The following SLC35F1 variants were observed in gnomAD, a reference collection of about 807,000 sequenced individuals.
SLC35F1 encodes solute carrier family 35 member F1.
Under a neutral mutation model 48.7 loss-of-function variants are expected in SLC35F1, and 14 were observed. The ratio of observed to expected loss-of-function variants is 0.29; its 90% CI spans 0.19 to 0.45. SLC35F1 has a LOEUF of 0.45. SLC35F1 is among the 20% of genes least tolerant of loss of function. The probability of loss-of-function intolerance (pLI) is 1.00; values close to 1 mark genes in which losing one functional copy is unlikely to be tolerated. For missense variants in SLC35F1, 404 were observed against 500.0 expected (o/e 0.81, Z 1.83); for synonymous variants, 190 against 202.2 (o/e 0.94, Z 0.51).
intron 1 of SLC35F1, among the ~76,000 whole-genome samples, chr6:118,074,998 C>T (rs1477662871): frequency 1.3e-5 from 2 of 152,180 alleles, no homozygotes; most frequent in East Asian, 1.9e-4. Context: ...TTCAATTTTG[C>T]TACACAAGTG....
intron 2 of SLC35F1, among the ~76,000 whole-genome samples, chr6:118,235,279 G>A (rs936069229): frequency 4.6e-5 from 7 of 151,974 alleles, no homozygotes; most frequent in African/African-American, 1.7e-4. Context: ...CTTATAACCT[G>A]CCCAGTCTTA....
chr6:118,169,418 T>G (rs183796469), intron 2 of SLC35F1, among the ~76,000 whole-genome samples: 29 of 152,270 alleles, frequency 1.9e-4, no homozygotes, highest in African/African-American at 6.3e-4. Context: ...CAAATGAACT[T>G]AAAGAACCCA....
At chr6:118,070,215 A>G (rs1772680637) in intron 1 of SLC35F1, among the ~76,000 whole-genome samples, 1 of 151,264 alleles carries the variant, frequency 6.6e-6, no homozygotes, top group South Asian at 2.1e-4. Flanking sequence ...TATGCAGTGG[A>G]GGCTAAGAGA....
chr6:118,241,909 C>A (rs1775446061), intron 3 of SLC35F1, among the ~76,000 whole-genome samples: 1 of 152,032 alleles, frequency 6.6e-6, no homozygotes, highest in Non-Finnish European at 1.5e-5. Flanking sequence ...ATAGTTTGTT[C>A]TTTTTTATTG....
chr6:117,959,501 T>G (rs1776467973), intron 1 of SLC35F1, among the ~76,000 whole-genome samples: 2 of 152,168 alleles, frequency 1.3e-5, no homozygotes, highest in African/African-American at 4.8e-5. Flanking sequence ...ATGCTCAGCG[T>G]GTCATATCTG....
chr6:118,121,834 G>C (rs1369142269), intron 1 of SLC35F1, among the ~76,000 whole-genome samples: 1 of 152,082 alleles, frequency 6.6e-6, no homozygotes, highest in East Asian at 1.9e-4. Context: ...CAGTGATCAG[G>C]TATTTATATA....
intron 1 of SLC35F1, among the ~76,000 whole-genome samples, chr6:118,132,567 G>A (rs1054022425): frequency 2.6e-5 from 4 of 152,184 alleles, no homozygotes; most frequent in African/African-American, 9.6e-5. Flanking sequence ...AGCCTTTAGA[G>A]TGCATGGCAC....
chr6:118,041,732 G>A (rs957811100), intron 1 of SLC35F1, among the ~76,000 whole-genome samples: 6 of 152,098 alleles, frequency 3.9e-5, no homozygotes, highest in African/African-American at 1.4e-4. Flanking sequence ...TGCAAGCAAA[G>A]GGATCAGCAA....
At chr6:118,183,917 A>G (rs1176765039) in intron 2 of SLC35F1, among the ~76,000 whole-genome samples, 2 of 152,152 alleles carry the variant, frequency 1.3e-5, no homozygotes, top group African/African-American at 2.4e-5. Flanking sequence ...ATAGTCTCTT[A>G]TTCTTTGACC....
chr6:118,021,637 A>G (rs1777395550), intron 1 of SLC35F1, among the ~76,000 whole-genome samples: 1 of 152,206 alleles, frequency 6.6e-6, no homozygotes, highest in African/African-American at 2.4e-5. Context: ...TCATGCCTCC[A>G]TTTATGCCCA....
chr6:118,178,890 C>G (rs1008041896), intron 2 of SLC35F1, among the ~76,000 whole-genome samples: 6 of 152,062 alleles, frequency 3.9e-5, no homozygotes, highest in Non-Finnish European at 8.8e-5. Context: ...GAACATTCTT[C>G]TTTAGAATAT....
At chr6:118,120,349 A>G (rs1324497449) in intron 1 of SLC35F1, among the ~76,000 whole-genome samples, 1 of 152,160 alleles carries the variant, frequency 6.6e-6, no homozygotes, top group Non-Finnish European at 1.5e-5. Context: ...CATCACAAAG[A>G]ATCACATTTA....
At chr6:118,199,895 A>G (rs1170085994) in intron 2 of SLC35F1, among the ~76,000 whole-genome samples, 1 of 152,178 alleles carries the variant, frequency 6.6e-6, no homozygotes, top group Non-Finnish European at 1.5e-5. Flanking sequence ...TTTCCTTACA[A>G]CCACATTGTT....
chr6:118,092,182 G>C (rs1773083518), intron 1 of SLC35F1, among the ~76,000 whole-genome samples: 1 of 152,322 alleles, frequency 6.6e-6, no homozygotes, highest in South Asian at 2.1e-4. Flanking sequence ...GGGCATGTCA[G>C]AGACCTTTGC....
intron 1 of SLC35F1, among the ~76,000 whole-genome samples, chr6:117,953,022 G>A (rs553757258): frequency 2.8e-4 from 42 of 152,336 alleles, no homozygotes; most frequent in African/African-American, 9.9e-4. Flanking sequence ...CAGGAAGTGG[G>A]CACTGGTCCA....
At chr6:118,126,523 C>T (rs1273043986) in intron 1 of SLC35F1, among the ~76,000 whole-genome samples, 1 of 151,502 alleles carries the variant, frequency 6.6e-6, no homozygotes, top group Non-Finnish European at 1.5e-5. Context: ...TGAAGAAAGC[C>T]ATTGGTAGCT....
chr6:118,163,256 G>T (rs1774266570), intron 2 of SLC35F1, among the ~76,000 whole-genome samples: 1 of 152,038 alleles, frequency 6.6e-6, no homozygotes, highest in Non-Finnish European at 1.5e-5. Flanking sequence ...GAGCCACCGT[G>T]CCTGGCCAAT....
chr6:117,967,724 A>C (rs980810938), intron 1 of SLC35F1, among the ~76,000 whole-genome samples: 50 of 152,212 alleles, frequency 3.3e-4, no homozygotes, highest in African/African-American at 1.2e-3. Context: ...GAGTTAATGA[A>C]AGTTAACTTA....
intron 1 of SLC35F1, among the ~76,000 whole-genome samples, chr6:117,967,319 A>C (rs1177317791): frequency 6.6e-6 from 1 of 152,186 alleles, no homozygotes; most frequent in Non-Finnish European, 1.5e-5. Flanking sequence ...CCATAGAAAA[A>C]ATTTTTACTA....
Sources: gnomAD v4.1 joint callset for allele counts (sites outside exome capture counted in the v4.1 genomes callset) on GRCh38, gnomAD v4.1.1 for gene constraint, MANE v1.5 for transcripts, NCBI Gene and HGNC (gene_info 2026-07-23, HGNC 2026-07-21) for gene names.